PDLIM1: variants seen among roughly 807,000 people sequenced by gnomAD.
PDLIM1 encodes PDZ and LIM domain 1, also known as PDZ and LIM domain protein 1.
Under a neutral mutation model 35.2 loss-of-function variants are expected in PDLIM1, and 25 were observed. That is an observed-to-expected ratio of 0.71 (90% CI 0.52 to 0.99). The LOEUF (loss-of-function observed/expected upper bound fraction) is 0.99. Ranked by LOEUF, PDLIM1 falls within the 50% of genes least tolerant of loss-of-function variation. The probability of loss-of-function intolerance (pLI) is 0.00; values close to 1 mark genes in which losing one functional copy is unlikely to be tolerated. For missense variants in PDLIM1, 363 were observed against 415.3 expected (o/e 0.87, Z 1.09); for synonymous variants, 152 against 154.0 (o/e 0.99, Z 0.10).
chr10:95,247,159 T>G, intron 5 of PDLIM1, 56 bp downstream of exon 5: 3 of 1,516,540 alleles, frequency 2.0e-6, no homozygotes, highest in South Asian at 1.2e-5. Flanking sequence ...CCACAATGAC[T>G]GACTCTCACA....
chr10:95,244,200 C>G (rs1342761434), intron 5 of PDLIM1, among the ~76,000 whole-genome samples: 1 of 152,102 alleles, frequency 6.6e-6, no homozygotes, highest in South Asian at 2.1e-4. Context: ...GGTGAGGAAC[C>G]AAGGGCCCCT....
intron 4 of PDLIM1, among the ~76,000 whole-genome samples, chr10:95,260,038 A>G (rs534620107): frequency 1.3e-5 from 2 of 152,248 alleles, no homozygotes; most frequent in African/African-American, 2.4e-5. Flanking sequence ...TGTAGCCCCC[A>G]GTTCTCAGAA....
intron 1 of PDLIM1, among the ~76,000 whole-genome samples, chr10:95,276,784 A>G (rs1013369245): frequency 4.0e-5 from 6 of 151,230 alleles, no homozygotes; most frequent in African/African-American, 1.5e-4. Flanking sequence ...AGGCCACAGC[A>G]GGCTCCAGAG....
chr10:95,267,887 G>C (rs2035429288), intron 3 of PDLIM1, among the ~76,000 whole-genome samples: 1 of 152,148 alleles, frequency 6.6e-6, no homozygotes. Context: ...TCACAAACCA[G>C]TGTAAAATTT....
rs552375678 is a variant in PDLIM1, at chr10:95,247,869, G to C, written c.534-503C>G. Among the ~76,000 whole-genome samples, 8 of 152,320 alleles carry C rather than the reference G, an allele frequency of 5.3e-5. No individual in the cohort carries two copies. The South Asian group carries it at 1.7e-3, about 32-fold the overall frequency. On this transcript the variant is annotated intron_variant, in intron 4 of 6. Transcript: ENST00000329399. ...CCTGATTCTCAAGGCCAGGCACTTGGGTCTCCTCACCTATAACACAGAGGT... is the reference window on the plus strand; with the variant it reads ...CCTGATTCTCAAGGCCAGGCACTTGCGTCTCCTCACCTATAACACAGAGGT...
intron 5 of PDLIM1, among the ~76,000 whole-genome samples, 155 bp downstream of exon 5, chr10:95,247,060 T>A (rs1196008036): frequency 6.6e-6 from 1 of 152,046 alleles, no homozygotes; most frequent in Non-Finnish European, 1.5e-5. Flanking sequence ...TCTCTCTCTC[T>A]CTCTCCCTCT....
chr10:95,254,062 G>GA (rs1367191855), intron 4 of PDLIM1, among the ~76,000 whole-genome samples: 35 of 151,992 alleles, frequency 2.3e-4, no homozygotes, highest in African/African-American at 7.5e-4. Context: ...AGGAAAGCAG[G>GA]AAAAAGAAAA....
At chr10:95,267,871 T>A (rs2035429243) in intron 3 of PDLIM1, among the ~76,000 whole-genome samples, 1 of 152,222 alleles carries the variant, frequency 6.6e-6, no homozygotes, top group South Asian at 2.1e-4. Flanking sequence ...GTCAAATGCA[T>A]AACCATCACA....
chr10:95,289,481 C>G (rs1564608327), intron 1 of PDLIM1, among the ~76,000 whole-genome samples: 1 of 152,148 alleles, frequency 6.6e-6, no homozygotes, highest in Non-Finnish European at 1.5e-5. Flanking sequence ...GGCCCGCCTA[C>G]TCTTTTAGGG....
rs556089630 is a variant in PDLIM1 at position 95,288,547 on chromosome 10, T to G, written c.96+2273A>C. Reference sequence around the variant, plus strand: ...AGCCAAGGGCTGGTGCTATCCCCACTGCAGAGGTTTTTTTTTTTAAGTAGC... The same window carrying G: ...AGCCAAGGGCTGGTGCTATCCCCACGGCAGAGGTTTTTTTTTTTAAGTAGC... On this transcript the variant is annotated intron_variant, in intron 1 of 6. Transcript: ENST00000329399. Among the ~76,000 whole-genome samples, 12 of 92,038 alleles carry G rather than the reference T, an allele frequency of 1.3e-4. No homozygotes were observed. The South Asian group carries it at 4.2e-3, about 33-fold the overall frequency. The allele number at this position is 92,038 out of a possible 152,430, so 60.4% of individuals were successfully genotyped here.
chr10:95,275,716 A>C (rs2035504964), intron 1 of PDLIM1, among the ~76,000 whole-genome samples: 1 of 152,190 alleles, frequency 6.6e-6, no homozygotes. Context: ...TCACTTTTTT[A>C]CGGTGAACTG....
At position 95,290,218 on chromosome 10, in the gene PDLIM1, G is replaced by C. The variant is rs1035910573; in HGVS notation, c.96+602C>G. On this transcript the variant is annotated intron_variant, in intron 1 of 6. Transcript: ENST00000329399. The surrounding 1 kb of genome is among the most constrained non-coding windows in gnomAD (Gnocchi z 4.7). ...CGGCGGGGCCACGTTCTGCAGAGGGGAGAATGACCAAGAGGGTTTACTTGA... is the reference window on the plus strand; with the variant it reads ...CGGCGGGGCCACGTTCTGCAGAGGGCAGAATGACCAAGAGGGTTTACTTGA... Among the ~76,000 whole-genome samples, 4 of 152,102 alleles carry C rather than the reference G, an allele frequency of 2.6e-5. No homozygotes were observed. Among genetic ancestry groups the C allele is most frequent in the Non-Finnish European group, 5.9e-5 (4 of 68,010 alleles).
chr10:95,253,475 C>CA (rs2035284956), intron 4 of PDLIM1, among the ~76,000 whole-genome samples: 1 of 152,016 alleles, frequency 6.6e-6, no homozygotes, highest in African/African-American at 2.4e-5. Context: ...GCCAACATGG[C>CA]AAAAACCTGT....
intron 4 of PDLIM1, among the ~76,000 whole-genome samples, chr10:95,257,383 C>G (rs1268445412): frequency 2.6e-5 from 4 of 151,534 alleles, no homozygotes; most frequent in African/African-American, 9.7e-5. Flanking sequence ...AGTGAAAAGG[C>G]AACTTATGAA....
intron 5 of PDLIM1, among the ~76,000 whole-genome samples, chr10:95,244,526 C>T (rs2035202948): frequency 6.6e-6 from 1 of 152,214 alleles, no homozygotes; most frequent in Admixed American, 6.5e-5. Context: ...CTTTCTGAAC[C>T]AGAGGCGTTT....
intron 1 of PDLIM1, among the ~76,000 whole-genome samples, chr10:95,289,064 A>G (rs756986176): frequency 3.2e-4 from 48 of 152,260 alleles, no homozygotes; most frequent in Non-Finnish European, 5.3e-4. Context: ...AAGACTTTTA[A>G]AAGCAGCTAA....
chr10:95,268,546 G>C (rs1381182452), intron 3 of PDLIM1, among the ~76,000 whole-genome samples: 1 of 152,038 alleles, frequency 6.6e-6, no homozygotes. Flanking sequence ...ATCGCCTTCC[G>C]ACCCCCTGCT....
Position 95,268,859 on chromosome 10 carries a change from A to C in PDLIM1, c.252T>G (p.Ser84=), listed in dbSNP as rs1184159890. 1 of 1,601,294 alleles carries C rather than the reference A, an allele frequency of 6.2e-7. No homozygotes were observed. Among genetic ancestry groups the C allele is most frequent in the Admixed American group, 1.7e-5 (1 of 60,018 alleles). The change falls in exon 3 of 7, where the codon TCT becomes TCG. Residue 84 remains serine (S), a synonymous_variant. Transcript: ENST00000329399. ...CCAGAGGAGACCAGACTTTATGTTC[A>C]GATCTGCAACAGATTAACAAAGCTG... ...TDNLTLTVAR[S]EHKVWSPLVT...
chr10:95,288,998 C>T (rs1302922333), intron 1 of PDLIM1, among the ~76,000 whole-genome samples: 4 of 152,180 alleles, frequency 2.6e-5, no homozygotes, highest in Non-Finnish European at 4.4e-5. Flanking sequence ...AAGGTAAAAA[C>T]CAATGAATTC....
Sources: allele counts gnomAD v4.1 joint callset (sites outside exome capture counted in the v4.1 genomes callset), GRCh38; gene constraint gnomAD v4.1.1; non-coding constraint Gnocchi (gnomAD v3.1); transcripts MANE v1.5; gene names NCBI Gene and HGNC (gene_info 2026-07-23, HGNC 2026-07-21).